Variants in NSD3 observed in about 807,000 individuals in gnomAD.
NSD3 encodes nuclear receptor binding SET domain protein 3.
A neutral mutation model predicts 160.8 loss-of-function variants in NSD3; 24 were observed. That is an observed-to-expected ratio of 0.15 (90% CI 0.11 to 0.21). The LOEUF (loss-of-function observed/expected upper bound fraction) is 0.21. Among genes scored for constraint, NSD3 ranks in the 10% least tolerant of loss-of-function variants. NSD3 has a pLI of 1.00. For missense variants in NSD3, 1,157 were observed against 1,735.9 expected (o/e 0.67, Z 5.93); for synonymous variants, 520 against 600.0 (o/e 0.87, Z 1.95).
chr8:38,372,532 T>A (rs946581916), intron 1 of NSD3, among the ~76,000 whole-genome samples: 1 of 151,228 alleles, frequency 6.6e-6, no homozygotes, highest in African/African-American at 2.4e-5. Flanking sequence ...TTTCGCTCTT[T>A]CGCCCAGGCT....
chr8:38,364,027 T>C (rs970697694), intron 1 of NSD3: 1 of 149,278 alleles, frequency 6.7e-6, no homozygotes, highest in Non-Finnish European at 1.5e-5. Flanking sequence ...ATCCCAGCAC[T>C]TTGCGAGTCC....
At chr8:38,280,079 G>C (rs1045840422) in intron 20 of NSD3, 11 of 165,482 alleles carry the variant, frequency 6.6e-5, no homozygotes, top group African/African-American at 2.6e-4. Flanking sequence ...AACTAGTATA[G>C]GAGGGGATAC....
chr8:38,363,211 G>GGCA (rs1563368986), intron 1 of NSD3, among the ~76,000 whole-genome samples: 1 of 152,178 alleles, frequency 6.6e-6, no homozygotes, highest in African/African-American at 2.4e-5. Flanking sequence ...ACATAGGAAT[G>GGCA]GCAGCAAACA....
At chr8:38,349,164 C>T (rs1810607188) in intron 1 of NSD3, among the ~76,000 whole-genome samples, 1 of 152,138 alleles carries the variant, frequency 6.6e-6, no homozygotes, top group Non-Finnish European at 1.5e-5. Flanking sequence ...AGATATACTT[C>T]TACATCAGCA....
At chr8:38,295,735 G>T (rs901015622) in intron 16 of NSD3, 61 bp downstream of exon 16, 1 of 1,512,108 alleles carries the variant, frequency 6.6e-7, no homozygotes, top group South Asian at 1.2e-5. Context: ...TCTGTATCCA[G>T]AGTATGAAAC....
rs1299654293 is a variant in NSD3, at chr8:38,305,428, A to C, written c.2260T>G (p.Ser754Ala). The C allele has an allele frequency of 6.2e-7, 1 of 1,614,148 alleles. No individual in the cohort carries two copies. Among genetic ancestry groups the C allele is most frequent in the South Asian group, 1.1e-5 (1 of 91,078 alleles). The change falls in exon 13 of 24, where the codon TCG (serine) becomes GCG (alanine). Residue 754 changes from serine to alanine, a missense_variant. By Grantham distance (99) the Ser-to-Ala change is moderately conservative. Coordinates refer to ENST00000317025, the MANE Select transcript of NSD3 (RefSeq NM_023034.2). ...ACATCTTTACCAGACACTTTACACGAAAAACATGGGTGCTGCCCTGGAAAA... is the reference window on the plus strand; with the variant it reads ...ACATCTTTACCAGACACTTTACACGCAAAACATGGGTGCTGCCCTGGAAAA... Reference protein sequence around the residue: ...ECKTGQHPCFSCKVSGKDVKR... With the variant: ...ECKTGQHPCFACKVSGKDVKR...
chr8:38,368,949 G>C (rs1811171742), intron 1 of NSD3, among the ~76,000 whole-genome samples: 1 of 152,120 alleles, frequency 6.6e-6, no homozygotes. Context: ...AAAATGGTTT[G>C]AGATTGGTTC....
At chr8:38,371,409 A>G (rs1036917060) in intron 1 of NSD3, among the ~76,000 whole-genome samples, 4 of 152,204 alleles carry the variant, frequency 2.6e-5, no homozygotes, top group African/African-American at 9.6e-5. Flanking sequence ...GAATAAAAGC[A>G]TATTAACTCT....
At chr8:38,346,182 A>G (rs1241072388) in intron 2 of NSD3, among the ~76,000 whole-genome samples, 1 of 147,914 alleles carries the variant, frequency 6.8e-6, no homozygotes, top group Non-Finnish European at 1.5e-5. Context: ...ATATGTATAT[A>G]TACATATATG....
chr8:38,294,681 G>T (rs1050426934), intron 16 of NSD3, among the ~76,000 whole-genome samples: 10 of 151,920 alleles, frequency 6.6e-5, no homozygotes, highest in Admixed American at 3.9e-4. Context: ...AAGACACAAA[G>T]AAAATATCAT....
At chr8:38,375,515 G>T (rs1811367356) in intron 1 of NSD3, among the ~76,000 whole-genome samples, 1 of 152,022 alleles carries the variant, frequency 6.6e-6, no homozygotes. Context: ...ACATACTACA[G>T]AAGTGTTTAA....
At chr8:38,323,355 C>T (rs1339367451) in intron 7 of NSD3, among the ~76,000 whole-genome samples, 1 of 152,078 alleles carries the variant, frequency 6.6e-6, no homozygotes, top group Non-Finnish European at 1.5e-5. Flanking sequence ...CATACCTGGC[C>T]CTAAATTAAG....
chr8:38,349,317 T>C (rs1810611406), intron 1 of NSD3, among the ~76,000 whole-genome samples: 1 of 152,070 alleles, frequency 6.6e-6, no homozygotes, highest in South Asian at 2.1e-4. Context: ...GAAAACCTCG[T>C]TTATTTTTTA....
chr8:38,317,792 A>G lies in NSD3; in HGVS notation c.1855+1103T>C. The G allele has an allele frequency of 7.0e-7, 1 of 1,438,562 alleles. No individual in the cohort carries two copies. The highest frequency in any genetic ancestry group is 9.1e-7 in the Non-Finnish European group (1 of 1,100,350). 89.1% of individuals were successfully genotyped at this position (1,438,562 alleles called of 1,614,324 possible). A position where few individuals can be genotyped will look rare whatever the true frequency, so the allele number is the denominator to read the frequency against. On this transcript the variant is annotated intron_variant, in intron 9 of 23. Transcript: ENST00000317025. This position sits in a 1 kb window ranked among gnomAD's most constrained non-coding sequence, Gnocchi z 5.3. ...AAAAAATCATTTGACTGTTAAAGCA[A>G]TTGTTCAGAGTCTTGAAGAAGAAAC... is the stretch of plus-strand genomic sequence containing the variant.
At position 38,275,900 on chromosome 8, in the gene NSD3, G is replaced by A. The variant is rs995733055; in HGVS notation, c.4073-18C>T. 8.1e-6 allele frequency: 13 copies of A among 1,605,444 alleles called. No individual in the cohort carries two copies. The highest frequency in any genetic ancestry group is 1.1e-5 in the Non-Finnish European group (13 of 1,174,720). On this transcript the variant is annotated intron_variant, in intron 23 of 23. Transcript: ENST00000317025. ...CCACTTTCCTAATTCGGGGAGATGGGGAGGAAGAAGGAGAAGTGCCCAAGT... is the reference window on the plus strand; with the variant it reads ...CCACTTTCCTAATTCGGGGAGATGGAGAGGAAGAAGGAGAAGTGCCCAAGT...
intron 4 of NSD3, among the ~76,000 whole-genome samples, chr8:38,336,595 G>A (rs749656845): frequency 7.9e-5 from 12 of 152,084 alleles, no homozygotes; most frequent in Non-Finnish European, 1.2e-4. Context: ...AGCAGTCAAC[G>A]ATGAAATAAA....
At chr8:38,282,967 C>T (rs1808766900) in intron 19 of NSD3, among the ~76,000 whole-genome samples, 1 of 152,144 alleles carries the variant, frequency 6.6e-6, no homozygotes, top group African/African-American at 2.4e-5. Flanking sequence ...TTTTCATTTT[C>T]CTGGATAAAT....
chr8:38,355,211 C>T (rs891216413), intron 1 of NSD3, among the ~76,000 whole-genome samples: 1 of 152,134 alleles, frequency 6.6e-6, no homozygotes, highest in Non-Finnish European at 1.5e-5. Context: ...ACTTATTCAG[C>T]ATCTCTAATC....
At chr8:38,352,194 G>A (rs1164523061) in intron 1 of NSD3, among the ~76,000 whole-genome samples, 1 of 152,102 alleles carries the variant, frequency 6.6e-6, no homozygotes, top group East Asian at 1.9e-4. Flanking sequence ...AACAGCAAAT[G>A]GAAGAGGGAA....
Sources: allele counts gnomAD v4.1 joint callset (sites outside exome capture counted in the v4.1 genomes callset), GRCh38; gene constraint gnomAD v4.1.1; non-coding constraint Gnocchi (gnomAD v3.1); transcripts MANE v1.5; gene names NCBI Gene and HGNC (gene_info 2026-07-23, HGNC 2026-07-21).